Variants in GPC3 observed in about 807,000 individuals in gnomAD.
GPC3 encodes glypican-3.
Under a neutral mutation model 34.4 loss-of-function variants are expected in GPC3, and 3 were observed. That is an observed-to-expected ratio of 0.09 (90% CI 0.04 to 0.23). The LOEUF (loss-of-function observed/expected upper bound fraction) is 0.23. Ranked by LOEUF, GPC3 falls within the 10% of genes least tolerant of loss-of-function variation. The pLI is 1.00. For synonymous variants in GPC3, 177 were observed against 174.0 expected (o/e 1.02, Z -0.13); for missense variants, 351 against 445.6 (o/e 0.79, Z 1.91).
rs758734924 is a variant in GPC3, at chrX:133,740,289, C to T, written c.1032+13193G>A. 1.3e-4 allele frequency among the ~76,000 whole-genome samples: 14 copies of T among 111,898 alleles called. No individual in the cohort carries two copies. In the South Asian group the frequency reaches 3.8e-3, roughly 30 times the overall value. On this transcript the variant is annotated intron_variant, in intron 3 of 7. Coordinates refer to ENST00000370818, the MANE Select transcript of GPC3 (RefSeq NM_004484.4). Reference sequence around the variant, plus strand: ...GATAAACACAGATGTGTGAGGAAAACGTTTCCACCACTGTGTATTCTTTCA... The same window carrying T: ...GATAAACACAGATGTGTGAGGAAAATGTTTCCACCACTGTGTATTCTTTCA...
intron 2 of GPC3, among the ~76,000 whole-genome samples, chrX:133,780,630 C>A (rs1446600985): frequency 9.0e-6 from 1 of 111,573 alleles, no homozygotes; most frequent in Non-Finnish European, 1.9e-5. Context: ...TACCTATCAA[C>A]CTGCTTTCAC....
At chrX:133,855,944 G>A (rs1388102073) in intron 2 of GPC3, among the ~76,000 whole-genome samples, 1 of 111,657 alleles carries the variant, frequency 9.0e-6, no homozygotes, top group Non-Finnish European at 1.9e-5. Context: ...GTGGCAAATG[G>A]CAGGATCCCT....
intron 7 of GPC3, among the ~76,000 whole-genome samples, chrX:133,546,949 A>C (rs1345308185): frequency 1.8e-5 from 2 of 112,262 alleles, no homozygotes; most frequent in Non-Finnish European, 3.8e-5. Context: ...GAATGGATAA[A>C]GAAAATGTGG....
intron 2 of GPC3, among the ~76,000 whole-genome samples, chrX:133,828,146 TTTTA>T (rs2124541477): frequency 3.6e-5 from 4 of 110,956 alleles, no homozygotes; most frequent in South Asian, 7.6e-4. Context: ...TATTTTTAAT[TTTTA>T]TTTATTTATT....
At chrX:133,973,911 C>T (rs772488931) in intron 1 of GPC3, among the ~76,000 whole-genome samples, 1 of 112,490 alleles carries the variant, frequency 8.9e-6, no homozygotes, top group Non-Finnish European at 1.9e-5. Flanking sequence ...GCTACAGACA[C>T]TTTACGAGTG....
At chrX:133,728,466 A>G (rs1290525545) in intron 3 of GPC3, among the ~76,000 whole-genome samples, 1 of 112,050 alleles carries the variant, frequency 8.9e-6, no homozygotes, top group Non-Finnish European at 1.9e-5. Context: ...TCAAATATGA[A>G]CCAGAAGTCA....
At chrX:133,647,150 C>A (rs940950903) in intron 6 of GPC3, among the ~76,000 whole-genome samples, 1 of 112,569 alleles carries the variant, frequency 8.9e-6, no homozygotes, top group Non-Finnish European at 1.9e-5. Context: ...AAATTCATAT[C>A]TTTTCCATGT....
At chrX:133,783,584 A>T (rs1264268920) in intron 2 of GPC3, among the ~76,000 whole-genome samples, 1 of 112,279 alleles carries the variant, frequency 8.9e-6, no homozygotes, top group Non-Finnish European at 1.9e-5. Flanking sequence ...CTGAGAGGTG[A>T]TGTTATCATT....
intron 3 of GPC3, among the ~76,000 whole-genome samples, chrX:133,702,400 G>A (rs933227469): frequency 5.4e-5 from 6 of 111,438 alleles, no homozygotes; most frequent in Admixed American, 4.8e-4. Context: ...ACATTCAAGA[G>A]CATAGTACAC....
intron 2 of GPC3, among the ~76,000 whole-genome samples, chrX:133,918,700 C>T (rs2076235072): frequency 9.0e-6 from 1 of 111,580 alleles, no homozygotes; most frequent in Admixed American, 9.6e-5. Flanking sequence ...CAGATGGCAG[C>T]AAGGAGTTAA....
chrX:133,657,898 CAGAG>C (rs749162174), intron 6 of GPC3, among the ~76,000 whole-genome samples: 3,521 of 85,354 alleles, frequency 0.041, 78 homozygotes, highest in Non-Finnish European at 0.058. Flanking sequence ...GGCATACATG[CAGAG>C]AGAGAGAGAG....
chrX:133,910,396 C>G (rs748525688), intron 2 of GPC3, among the ~76,000 whole-genome samples: 1 of 111,224 alleles, frequency 9.0e-6, no homozygotes, highest in Admixed American at 9.5e-5. Context: ...ATCATATAAC[C>G]ATGTATATAA....
intron 2 of GPC3, among the ~76,000 whole-genome samples, chrX:133,811,402 A>G (rs1330018947): frequency 2.7e-5 from 3 of 111,680 alleles, no homozygotes; most frequent in Non-Finnish European, 5.7e-5. Flanking sequence ...GACTGTCCCA[A>G]CTGAAATTGG....
intron 2 of GPC3, among the ~76,000 whole-genome samples, chrX:133,825,443 T>C (rs748267458): frequency 8.9e-6 from 1 of 111,778 alleles, no homozygotes; most frequent in South Asian, 3.8e-4. Flanking sequence ...GGAGGTTATC[T>C]GGAAGATGCA....
chrX:133,679,794 A>G lies in GPC3; in HGVS notation c.1292+12575T>C, dbSNP rs190000036. Among the ~76,000 whole-genome samples, 749 of 111,106 alleles carry G rather than the reference A, an allele frequency of 6.7e-3. 7 individuals are homozygous for G. The highest frequency in any genetic ancestry group is 0.023 in the African/African-American group (696 of 30,508). ...CTCACCCTCTCGGATAATTGAAACT[A>G]GAGGCACATGCCACCACGCCCGGCT... On this transcript the variant is annotated intron_variant, in intron 5 of 7. Coordinates refer to ENST00000370818, the MANE Select transcript of GPC3 (RefSeq NM_004484.4).
chrX:133,566,402 C>A, intron 7 of GPC3, among the ~76,000 whole-genome samples: 1 of 111,867 alleles, frequency 8.9e-6, no homozygotes, highest in Non-Finnish European at 1.9e-5. Flanking sequence ...TAAGGCTTGA[C>A]CTATATTGCA....
chrX:133,944,614 C>G (rs747865921), intron 2 of GPC3, among the ~76,000 whole-genome samples: 7 of 111,817 alleles, frequency 6.3e-5, no homozygotes, highest in Non-Finnish European at 3.8e-5. Flanking sequence ...AAGTGGTTAT[C>G]TCTGAATGAG....
At chrX:133,763,720 A>G in intron 2 of GPC3, 1 of 485,388 alleles carries the variant, frequency 2.1e-6, no homozygotes, top group Non-Finnish European at 3.6e-6. Flanking sequence ...ACATGGAAAT[A>G]AGGCTGACAA....
At position 133,773,323 on chromosome X, in the gene GPC3, C is replaced by G. The variant is rs562146265; in HGVS notation, c.338-19147G>C. Among the ~76,000 whole-genome samples, 153 of 111,516 alleles carry G rather than the reference C, an allele frequency of 1.4e-3. No homozygotes were observed. The South Asian group carries it at 0.019, about 14-fold the overall frequency. On this transcript the variant is annotated intron_variant, in intron 2 of 7. Coordinates refer to ENST00000370818, the MANE Select transcript of GPC3 (RefSeq NM_004484.4). ...AGGCAGAGCCCAGGCGGCCTGCATA[C>G]CAAATGTGAAGAACAGTACCAATTG...
Sources: gnomAD v4.1 joint callset for allele counts (sites outside exome capture counted in the v4.1 genomes callset) on GRCh38, gnomAD v4.1.1 for gene constraint, MANE v1.5 for transcripts, NCBI Gene and HGNC (gene_info 2026-07-23, HGNC 2026-07-21) for gene names.